Variants in FN1 observed in about 807,000 individuals in gnomAD.
The protein encoded by FN1 is fibronectin.
Under a neutral mutation model 297.3 loss-of-function variants are expected in FN1, and 106 were observed. The observed-to-expected ratio is 0.36, with a 90% CI of 0.30 to 0.42. The LOEUF is 0.42. FN1 is among the 10% of genes least tolerant of loss of function. FN1 has a pLI of 1.00. For synonymous variants in FN1, 1,149 were observed against 1,152.6 expected, an observed-to-expected ratio of 1.00 and a Z score of 0.06; for missense variants, 2,690 against 3,124.9, an observed-to-expected ratio of 0.86 and a Z score of 3.32.
chr2:215,435,960 G>A lies in FN1; in HGVS notation c.-158C>T, dbSNP rs2067409010. Reference sequence around the variant, plus strand: ...GAGGGTGGGGAAGGGGACGGGTGGAGGGACAGAAGGGATGCAGAGGACCAG... The same window carrying A: ...GAGGGTGGGGAAGGGGACGGGTGGAAGGACAGAAGGGATGCAGAGGACCAG... On this transcript the variant is annotated 5_prime_UTR_variant, in exon 1 of 46. Coordinates refer to ENST00000354785, the MANE Select transcript of FN1 (RefSeq NM_212482.4). 4 of 1,408,262 alleles carry A rather than the reference G, an allele frequency of 2.8e-6. No homozygotes were observed. The highest frequency in any genetic ancestry group is 1.4e-5 in the African/African-American group (1 of 69,262). 87.2% of individuals were successfully genotyped at this position (1,408,262 alleles called of 1,614,324 possible).
chr2:215,418,555 T>C (rs2063749901), intron 12 of FN1, among the ~76,000 whole-genome samples: 1 of 152,230 alleles, frequency 6.6e-6, no homozygotes, highest in African/African-American at 2.4e-5. Context: ...AATTAGCCTT[T>C]CATGTTTTAT....
At chr2:215,394,458 G>A in intron 24 of FN1, 70 bp downstream of exon 24, 1 of 1,254,766 alleles carries the variant, frequency 8.0e-7, no homozygotes, top group South Asian at 1.2e-5. Context: ...AAGCATCTGG[G>A]GATTAAGATG....
rs1299186800 is a variant in FN1 at position 215,370,831 on chromosome 2, G to A, written c.6715-399C>T. Among the ~76,000 whole-genome samples, 3 of 152,310 alleles carry A rather than the reference G, an allele frequency of 2.0e-5. No homozygotes were observed. The East Asian group carries it at 5.8e-4, about 29-fold the overall frequency. On this transcript the variant is annotated intron_variant, in intron 40 of 45. Transcript: ENST00000354785. ...GGGAGACACGGTCATGCTCCTCCAG[G>A]TGACATCTGACCCCAGTGTGGAGTC... is the stretch of plus-strand genomic sequence containing the variant.
At chr2:215,420,993 A>T (rs574314503) in intron 10 of FN1, 192 bp from the exon 11 acceptor site, 4 of 595,174 alleles carry the variant, frequency 6.7e-6, no homozygotes, top group Admixed American at 2.8e-5. Flanking sequence ...TGCCAAAAAA[A>T]TTTTTTTCTT....
Position 215,409,951 on chromosome 2 carries a change from G to C in FN1, c.2105C>G (p.Thr702Ser). Reference protein sequence around the residue: ...VTRFDFTTTSTSTPVTSNTVT... With the variant: ...VTRFDFTTTSSSTPVTSNTVT... ...GTACATACTGGTCACAGGTGTGCTG[G>C]TGCTGGTGGTGGTGAAGTCAAAGCG... The change falls in exon 14 of 46, where the codon ACC becomes AGC. Residue 702 changes from threonine (T) to serine (S), a missense_variant. By Grantham distance (58) the Thr-to-Ser change is moderately conservative. Transcript: ENST00000354785. 1 of 1,613,840 alleles carries C rather than the reference G, an allele frequency of 6.2e-7. No individual in the cohort carries two copies. The highest frequency in any genetic ancestry group is 8.5e-7 in the Non-Finnish European group (1 of 1,179,988).
intron 12 of FN1, among the ~76,000 whole-genome samples, chr2:215,415,849 A>G (rs1156878412): frequency 6.6e-6 from 1 of 152,100 alleles, no homozygotes; most frequent in Non-Finnish European, 1.5e-5. Context: ...TAGAAAATTT[A>G]TGCTTGCAGA....
At chr2:215,373,093 A>G (rs1161935552) in intron 39 of FN1, among the ~76,000 whole-genome samples, 4 of 152,180 alleles carry the variant, frequency 2.6e-5, no homozygotes, top group African/African-American at 7.2e-5. Context: ...GTGAATAACA[A>G]GGCTTTATAT....
rs1270770308 is a variant in FN1 at position 215,433,469 on chromosome 2, GA to G, written c.278-9del. 1.2e-6 allele frequency: 2 copies of G among 1,613,184 alleles called. No individual in the cohort carries two copies. The highest frequency in any genetic ancestry group is 2.7e-5 in the African/African-American group (2 of 74,868). ...CAAAGCAAGTCTCTTCAGCTGAGGG[GA>G]AAAGGAAAGTCCATGTGAGCCTCAC... is the stretch of plus-strand genomic sequence containing the variant. On this transcript the variant is annotated splice_polypyrimidine_tract_variant and intron_variant, in intron 2 of 45. Transcript: ENST00000354785.
intron 12 of FN1, among the ~76,000 whole-genome samples, chr2:215,415,840 A>G (rs184031951): frequency 6.6e-6 from 1 of 152,140 alleles, no homozygotes; most frequent in Admixed American, 6.5e-5. Flanking sequence ...TGAAATAGCT[A>G]GAAAATTTAT....
rs2053446114 is a variant in FN1 at position 215,361,610 on chromosome 2, A to G, written c.7379T>C (p.Ile2460Thr). ...QRTNTNVNCP[I>T]ECFMPLDVQA... ...TACATCTAAAGGCATGAAGCACTCAATTGGGCAATTAACATTCTGTTAAAA... is the reference window on the plus strand; with the variant it reads ...TACATCTAAAGGCATGAAGCACTCAGTTGGGCAATTAACATTCTGTTAAAA... The change falls in exon 46 of 46, where the codon ATT becomes ACT. Residue 2460 changes from isoleucine (I) to threonine (T), a missense_variant. Around this residue, in one of 3 missense-constraint regions of FN1, gnomAD observed 1,743 missense variants for 1,945.2 expected, o/e 0.90. Transcript: ENST00000354785. The G allele has an allele frequency of 1.2e-5, 19 of 1,611,252 alleles. No individual in the cohort carries two copies. Among genetic ancestry groups the G allele is most frequent in the African/African-American group, 2.7e-5 (2 of 74,858 alleles).
chr2:215,370,538 G>GA, intron 40 of FN1, 106 bp from the exon 41 acceptor site: 2 of 393,394 alleles, frequency 5.1e-6, no homozygotes, highest in Non-Finnish European at 7.6e-6. Context: ...AGCAAAGGAA[G>GA]ACAAAAAACA....
Position 215,381,005 on chromosome 2 carries a change from T to C in FN1, c.5240A>G (p.Gln1747Arg), listed in dbSNP as rs1259935721. 24 of 1,614,132 alleles carry C rather than the reference T, an allele frequency of 1.5e-5. No homozygotes were observed. The highest frequency in any genetic ancestry group is 2.0e-5 in the Non-Finnish European group (24 of 1,180,042). ...DSIKIAWESP[Q>R]GQVSRYRVTY... Reference sequence around the variant, plus strand: ...CACCCTGTACCTGGAAACTTGCCCCTGTGGGCTTTCCCAAGCAATTTTGAT... The same window carrying C: ...CACCCTGTACCTGGAAACTTGCCCCCGTGGGCTTTCCCAAGCAATTTTGAT... The change falls in exon 33 of 46, where the codon CAG becomes CGG. Residue 1747 changes from glutamine (Q) to arginine (R), a missense_variant. This residue lies in a region of FN1 where 1,743 missense variants were observed against 1,945.2 expected (regional missense o/e 0.90). Coordinates refer to ENST00000354785, the MANE Select transcript of FN1 (RefSeq NM_212482.4).
rs72942079 is a variant in FN1 at position 215,391,354 on chromosome 2, C to T, written c.4252+278G>A. Among the ~76,000 whole-genome samples, 466 of 152,212 alleles carry T rather than the reference C, an allele frequency of 3.1e-3. 3 individuals are homozygous for T. Among genetic ancestry groups the T allele is most frequent in the Non-Finnish European group, 5.4e-3 (368 of 68,000 alleles). ...TTCTCTTGATATTCACTTATTTTTA[C>T]GTGCTTATTTAGAAGCAGAATTTGT... On this transcript the variant is annotated intron_variant, in intron 26 of 45. Transcript: ENST00000354785.
In FN1 at chr2:215,382,243, C is replaced by G. The variant is rs778450983; in HGVS notation, c.5133G>C (p.Glu1711Asp). 11 of 1,613,770 alleles carry G rather than the reference C, an allele frequency of 6.8e-6. No individual in the cohort carries two copies. Among genetic ancestry groups the G allele is most frequent in the South Asian group, 4.4e-5 (4 of 91,074 alleles). The change falls in exon 32 of 46, where the codon GAG becomes GAC. Residue 1711 changes from glutamate (E) to aspartate (D), a missense_variant. Glu to Asp is a conservative substitution (Grantham distance 45). Transcript: ENST00000354785. ...VSVYAQNPSGESQPLVQTAVT... is the reference protein window; with the variant it reads ...VSVYAQNPSGDSQPLVQTAVT... ...CTGCAGTCTGAACCAGAGGCTGACT[C>G]TCTCCGCTTGGATTCTGAGCATAGA... is the stretch of plus-strand genomic sequence containing the variant.
In FN1 at chr2:215,418,316, G is replaced by T. The variant is rs139175394; in HGVS notation, c.1819+926C>A. On this transcript the variant is annotated intron_variant, in intron 12 of 45. Coordinates refer to ENST00000354785, the MANE Select transcript of FN1 (RefSeq NM_212482.4). ...CTTCCCATATTACAGATGAGGAAAT[G>T]GAGGAATGAGGCTTGGCTAACACTA... is the stretch of plus-strand genomic sequence containing the variant. Among the ~76,000 whole-genome samples the T allele has an allele frequency of 9.7e-4, 148 of 152,318 alleles. 2 individuals are homozygous for T. Among genetic ancestry groups the T allele is most frequent in the Admixed American group, 7.4e-3 (113 of 15,294 alleles).
rs778853423 is a variant in FN1, at chr2:215,391,761, G to A, written c.4123C>T (p.Arg1375Cys). Residue 1375 changes from arginine to cysteine, a missense_variant, in exon 26 of 46, where the codon CGT (arginine) becomes TGT (cysteine). Around this residue, in one of 3 missense-constraint regions of FN1, gnomAD observed 1,743 missense variants for 1,945.2 expected, o/e 0.90. Coordinates refer to ENST00000354785, the MANE Select transcript of FN1 (RefSeq NM_212482.4). Reference protein sequence around the residue: ...RFTNIGPDTMRVTWAPPPSID... With the variant: ...RFTNIGPDTMCVTWAPPPSID... ...GATGGGGGTGGAGCCCAGGTGACAC[G>A]CATGGTGTCTGGACCAATGTTGGTG... 15 of 1,613,978 alleles carry A rather than the reference G, an allele frequency of 9.3e-6. No individual in the cohort carries two copies. The highest frequency in any genetic ancestry group is 2.2e-5 in the East Asian group (1 of 44,896).
Position 215,386,669 on chromosome 2 carries a change from T to C in FN1, c.4612+20A>G, listed in dbSNP as rs2059058830. On this transcript the variant is annotated intron_variant, in intron 28 of 45. Transcript: ENST00000354785. ...GGGTAGGAAAGTCTTCTGAGTTTCT[T>C]TGCAGACAAGAAAAGTTACCTGTTG... 2 of 1,611,924 alleles carry C rather than the reference T, an allele frequency of 1.2e-6. No individual in the cohort carries two copies. Among genetic ancestry groups the C allele is most frequent in the African/African-American group, 2.7e-5 (2 of 74,538 alleles).
chr2:215,421,961 A>G lies in FN1; in HGVS notation c.1546+130T>C. The stretch of plus-strand genomic sequence containing the variant: ...TCAGGCTTATCTTACCATGCACAGT[A>G]GACTAATGAATGACGTGGCATTCCA... On this transcript the variant is annotated intron_variant, in intron 10 of 45. Transcript: ENST00000354785. 1.1e-5 allele frequency: 10 copies of G among 876,158 alleles called. No homozygotes were observed. The South Asian group carries it at 1.4e-4, about 12-fold the overall frequency. The allele number at this position is 876,158 out of a possible 1,614,324, so 54.3% of individuals were successfully genotyped here. A position where few individuals can be genotyped will look rare whatever the true frequency, so the allele number is the denominator to read the frequency against.
In FN1 at chr2:215,378,256, T is replaced by G; in HGVS notation, c.5629A>C (p.Thr1877Pro). Residue 1877 changes from threonine to proline, a missense_variant, in exon 35 of 46, where the codon ACC (threonine) becomes CCC (proline). By Grantham distance (38) the Thr-to-Pro change is conservative. Coordinates refer to ENST00000354785, the MANE Select transcript of FN1 (RefSeq NM_212482.4). ...GCATAGACACTCACTTCATATTTGG[T>G]GGCCACCTAGAGAAATAAGGGCATG... The part of the protein sequence containing the change: ...SVVVSGLMVA[T>P]KYEVSVYALK... 6.2e-7 allele frequency: 1 copy of G among 1,606,676 alleles called. No individual in the cohort carries two copies. The highest frequency in any genetic ancestry group is 8.5e-7 in the Non-Finnish European group (1 of 1,173,838).
Sources: allele counts gnomAD v4.1 joint callset (sites outside exome capture counted in the v4.1 genomes callset), GRCh38; gene constraint gnomAD v4.1.1; regional missense constraint gnomAD v4.1.1; transcripts MANE v1.5; gene names NCBI Gene and HGNC (gene_info 2026-07-23, HGNC 2026-07-21).